The following NRXN1 variants were observed in gnomAD, a reference collection of about 807,000 sequenced individuals.
NRXN1 encodes the protein neurexin 1.
In NRXN1, 39 loss-of-function variants were observed where a neutral mutation model predicts 150.9. The ratio of observed to expected loss-of-function variants is 0.26; its 90% CI spans 0.20 to 0.34. The LOEUF (loss-of-function observed/expected upper bound fraction) is 0.34. NRXN1 is among the 10% of genes least tolerant of loss of function. The probability of loss-of-function intolerance (pLI) is 1.00; values close to 1 mark genes in which losing one functional copy is unlikely to be tolerated. For synonymous variants in NRXN1, 924 were observed against 757.0 expected, an observed-to-expected ratio of 1.22 and a Z score of -3.62; for missense variants, 1,815 against 1,949.9, an observed-to-expected ratio of 0.93 and a Z score of 1.30.
At chr2:51,019,540 T>C (rs749148014) in intron 2 of NRXN1, among the ~76,000 whole-genome samples, 8 of 152,118 alleles carry the variant, frequency 5.3e-5, no homozygotes, top group Non-Finnish European at 1.0e-4. Flanking sequence ...GGGAAAATCA[T>C]GTATATTTGC....
At chr2:50,075,781 G>T (rs371062098) in intron 19 of NRXN1, among the ~76,000 whole-genome samples, 1 of 121,806 alleles carries the variant, frequency 8.2e-6, no homozygotes, top group African/African-American at 3.6e-5. Flanking sequence ...CAATCCCAAC[G>T]TGCTTGGTGA....
intron 5 of NRXN1, among the ~76,000 whole-genome samples, chr2:50,807,343 T>C (rs1667635758): frequency 6.6e-6 from 1 of 152,102 alleles, no homozygotes; most frequent in South Asian, 2.1e-4. Flanking sequence ...CTAACTAATA[T>C]CAAGGACAGT....
chr2:50,219,116 T>C (rs1191511718), intron 18 of NRXN1, among the ~76,000 whole-genome samples: 1 of 152,050 alleles, frequency 6.6e-6, no homozygotes, highest in Non-Finnish European at 1.5e-5. Context: ...TGACCTGTTT[T>C]CATTATATTC....
intron 5 of NRXN1, among the ~76,000 whole-genome samples, chr2:50,860,992 T>A (rs1367584882): frequency 1.3e-5 from 2 of 151,934 alleles, no homozygotes; most frequent in Non-Finnish European, 1.5e-5. Context: ...GCAATAAAAT[T>A]TGGGGAGAGG....
chr2:51,007,515 T>C (rs994730408), intron 2 of NRXN1, among the ~76,000 whole-genome samples: 26 of 151,976 alleles, frequency 1.7e-4, no homozygotes, highest in African/African-American at 6.3e-4. Context: ...CACATAACCA[T>C]TATACACATC....
chr2:50,384,589 C>G (rs2081201428), intron 17 of NRXN1, among the ~76,000 whole-genome samples: 1 of 151,422 alleles, frequency 6.6e-6, no homozygotes, highest in South Asian at 2.1e-4. Context: ...GCTGATTGTC[C>G]CCTTCTCTAC....
chr2:50,749,428 G>A (rs752238390), intron 5 of NRXN1, among the ~76,000 whole-genome samples: 13 of 151,842 alleles, frequency 8.6e-5, no homozygotes, highest in African/African-American at 1.5e-4. Context: ...GGCATCCCAC[G>A]CCCTTTCCTG....
chr2:50,845,228 C>T (rs1194838874), intron 5 of NRXN1, among the ~76,000 whole-genome samples: 1 of 152,102 alleles, frequency 6.6e-6, no homozygotes, highest in Non-Finnish European at 1.5e-5. Flanking sequence ...AGAATCATTT[C>T]AGGCATCAAC....
chr2:50,697,896 C>G (rs1441587883), intron 5 of NRXN1, among the ~76,000 whole-genome samples: 2 of 152,104 alleles, frequency 1.3e-5, no homozygotes, highest in African/African-American at 4.8e-5. Context: ...AGACAGCTCT[C>G]CATAGCTCTT....
intron 5 of NRXN1, among the ~76,000 whole-genome samples, chr2:50,746,888 T>A (rs1461603277): frequency 5.3e-5 from 8 of 152,158 alleles, no homozygotes; most frequent in Non-Finnish European, 8.8e-5. Context: ...GACAGATGAA[T>A]GCTCTGGGTT....
At chr2:50,045,183 A>G (rs761855306) in intron 21 of NRXN1, among the ~76,000 whole-genome samples, 10 of 151,878 alleles carry the variant, frequency 6.6e-5, no homozygotes, top group Non-Finnish European at 1.0e-4. Context: ...AACAACAACA[A>G]CAAAACTAAC....
intron 18 of NRXN1, among the ~76,000 whole-genome samples, chr2:50,116,195 C>T (rs1338394893): frequency 6.6e-6 from 1 of 151,974 alleles, no homozygotes; most frequent in African/African-American, 2.4e-5. Context: ...CTTCCACTGG[C>T]TTATCTACAG....
At chr2:50,525,367 C>G (rs1384539445) in intron 12 of NRXN1, among the ~76,000 whole-genome samples, 2 of 152,166 alleles carry the variant, frequency 1.3e-5, no homozygotes, top group African/African-American at 2.4e-5. Context: ...TGTGACTGTA[C>G]AGTCCCTTCC....
chr2:49,974,057 C>T (rs901822696), intron 21 of NRXN1: 2 of 717,216 alleles, frequency 2.8e-6, no homozygotes, highest in African/African-American at 3.5e-5. Flanking sequence ...AATGGAAATC[C>T]TAGGAAATTT....
chr2:50,001,772 A>G (rs918712254), intron 21 of NRXN1, among the ~76,000 whole-genome samples: 1 of 152,132 alleles, frequency 6.6e-6, no homozygotes, highest in South Asian at 2.1e-4. Context: ...CCTTAGACTG[A>G]TAAGTAATTT....
chr2:50,121,370 G>A (rs1487290281), intron 18 of NRXN1, among the ~76,000 whole-genome samples: 1 of 152,112 alleles, frequency 6.6e-6, no homozygotes, highest in African/African-American at 2.4e-5. Context: ...TTAAAAAGTA[G>A]GTAGAATAAT....
chr2:50,119,235 G>A (rs1703505100), intron 18 of NRXN1, among the ~76,000 whole-genome samples: 2 of 152,164 alleles, frequency 1.3e-5, no homozygotes, highest in African/African-American at 4.8e-5. Flanking sequence ...CTTTTGGAAG[G>A]CTAGGTATAT....
chr2:50,589,987 T>G (rs920320696), intron 8 of NRXN1, among the ~76,000 whole-genome samples: 1 of 152,188 alleles, frequency 6.6e-6, no homozygotes, highest in Non-Finnish European at 1.5e-5. Context: ...TTCATAAGTA[T>G]CTGAATGAAT....
intron 12 of NRXN1, among the ~76,000 whole-genome samples, chr2:50,507,866 C>T (rs2092304681): frequency 6.6e-6 from 1 of 151,354 alleles, no homozygotes; most frequent in South Asian, 2.1e-4. Flanking sequence ...TCATGTCTTT[C>T]AACGAATTGA....
Sources: allele counts gnomAD v4.1 joint callset (sites outside exome capture counted in the v4.1 genomes callset), GRCh38; gene constraint gnomAD v4.1.1; transcripts MANE v1.5; gene names NCBI Gene and HGNC (gene_info 2026-07-23, HGNC 2026-07-21).